MAGI2: variants seen among roughly 807,000 people sequenced by gnomAD.
MAGI2 encodes membrane associated guanylate kinase, WW and PDZ domain containing 2.
MAGI2 carries 35 observed loss-of-function variants against 133.3 expected under a neutral mutation model. The observed-to-expected ratio is 0.26, with a 90% CI of 0.20 to 0.35. The LOEUF (loss-of-function observed/expected upper bound fraction) is 0.35, where lower values mean the gene tolerates loss of function less well. Ranked by LOEUF, MAGI2 falls within the 10% of genes least tolerant of loss-of-function variation. The pLI is 1.00. For synonymous variants in MAGI2, 729 were observed against 710.6 expected (o/e 1.03, Z -0.41); for missense variants, 1,636 against 1,863.4 (o/e 0.88, Z 2.25).
intron 3 of MAGI2, among the ~76,000 whole-genome samples, chr7:78,572,499 T>A (rs1197135483): frequency 6.6e-6 from 1 of 152,028 alleles, no homozygotes; most frequent in Non-Finnish European, 1.5e-5. Flanking sequence ...GAACTTTCCC[T>A]CCCTGACTCT....
At chr7:78,021,054 T>G (rs1808346216) in intron 21 of MAGI2, among the ~76,000 whole-genome samples, 1 of 152,170 alleles carries the variant, frequency 6.6e-6, no homozygotes, top group Admixed American at 6.5e-5. Context: ...GATGACTTTT[T>G]TTTTAAAGCA....
In MAGI2 at chr7:79,418,019, T is replaced by G. The variant is rs148059475; in HGVS notation, c.301+35001A>C. ...ATATTTTTTTCATGTGTACAGGCAT[T>G]AAATATTATAAAATTCACCCAAATT... is the stretch of plus-strand genomic sequence containing the variant. On this transcript the variant is annotated intron_variant, in intron 1 of 21. Coordinates refer to ENST00000354212, the MANE Select transcript of MAGI2 (RefSeq NM_012301.4). Among the ~76,000 whole-genome samples the G allele has an allele frequency of 2.5e-3, 383 of 152,198 alleles. 2 individuals carry two copies. The highest frequency in any genetic ancestry group is 9.0e-3 in the African/African-American group (374 of 41,556).
intron 3 of MAGI2, among the ~76,000 whole-genome samples, chr7:78,565,841 T>C (rs147168613): frequency 1.3e-5 from 2 of 152,290 alleles, no homozygotes; most frequent in African/African-American, 4.8e-5. Flanking sequence ...TGCAGTCAAA[T>C]AGCATTTAGG....
intron 1 of MAGI2, among the ~76,000 whole-genome samples, chr7:79,329,861 C>A (rs908417281): frequency 2.6e-5 from 4 of 152,148 alleles, no homozygotes; most frequent in African/African-American, 9.7e-5. Flanking sequence ...AAATTGAAAA[C>A]CAAGATAGAA....
At chr7:79,363,679 G>A (rs772415363) in intron 1 of MAGI2, among the ~76,000 whole-genome samples, 7 of 135,322 alleles carry the variant, frequency 5.2e-5, no homozygotes, top group Non-Finnish European at 7.8e-5. Context: ...AAAAGTACTG[G>A]CACAAAACTG....
chr7:78,360,689 C>A (rs1253615180), intron 7 of MAGI2, among the ~76,000 whole-genome samples: 1 of 152,216 alleles, frequency 6.6e-6, no homozygotes. Flanking sequence ...TAGCAATGAG[C>A]TACCTGGGAC....
intron 6 of MAGI2, among the ~76,000 whole-genome samples, chr7:78,389,102 A>G (rs1372124477): frequency 6.6e-6 from 1 of 152,210 alleles, no homozygotes; most frequent in African/African-American, 2.4e-5. Context: ...TTGGAAAATA[A>G]ATAAAAGATG....
At chr7:78,064,505 T>C (rs906332394) in intron 21 of MAGI2, among the ~76,000 whole-genome samples, 1 of 152,188 alleles carries the variant, frequency 6.6e-6, no homozygotes, top group African/African-American at 2.4e-5. Context: ...TCATTAACAA[T>C]TGGAAAATAT....
chr7:78,511,579 G>A (rs1795588825), intron 4 of MAGI2, among the ~76,000 whole-genome samples: 1 of 131,860 alleles, frequency 7.6e-6, no homozygotes, highest in Non-Finnish European at 1.6e-5. Context: ...TTGACACAGT[G>A]AAACATGCAC....
intron 9 of MAGI2, among the ~76,000 whole-genome samples, chr7:78,292,298 CAGAG>C (rs917839955): frequency 2.0e-5 from 3 of 152,116 alleles, no homozygotes; most frequent in Non-Finnish European, 2.9e-5. Flanking sequence ...AACAGACAAA[CAGAG>C]AGTCAAATCA....
At chr7:78,446,027 G>A (rs1262836886) in intron 6 of MAGI2, among the ~76,000 whole-genome samples, 1 of 93,888 alleles carries the variant, frequency 1.1e-5, no homozygotes, top group Non-Finnish European at 2.5e-5. Context: ...AGCTCTGCCA[G>A]TTTCTATTTT....
At position 78,299,941 on chromosome 7, in the gene MAGI2, C is replaced by T. The variant is rs144352805; in HGVS notation, c.1409-43360G>A. On this transcript the variant is annotated intron_variant, in intron 9 of 21. Transcript: ENST00000354212. ...GCATTTCAGCATACTAATCACAAAA[C>T]GAGTAAAATTTTTCTTTTTCATCAT... is the stretch of plus-strand genomic sequence containing the variant. Among the ~76,000 whole-genome samples, 1,210 of 152,160 alleles carry T rather than the reference C, an allele frequency of 8.0e-3. 24 individuals are homozygous for T. Among genetic ancestry groups the T allele is most frequent in the African/African-American group, 0.025 (1,051 of 41,508 alleles).
intron 1 of MAGI2, among the ~76,000 whole-genome samples, chr7:79,235,701 C>T (rs1167926909): frequency 6.6e-6 from 1 of 152,196 alleles, no homozygotes; most frequent in African/African-American, 2.4e-5. Flanking sequence ...TCTGGCACTC[C>T]CTAGTGAGAT....
chr7:78,333,258 T>C lies in MAGI2; in HGVS notation c.1408+10520A>G, dbSNP rs149473734. On this transcript the variant is annotated intron_variant, in intron 9 of 21. Coordinates refer to ENST00000354212, the MANE Select transcript of MAGI2 (RefSeq NM_012301.4). ...CTACAGAGAACTGAAAGGGAAAACA[T>C]TATCAATGCTCTGTACCAGAAAGAT... Among the ~76,000 whole-genome samples the C allele has an allele frequency of 2.3e-3, 344 of 152,310 alleles. 6 individuals are homozygous for C. Among genetic ancestry groups the C allele is most frequent in the Admixed American group, 0.02 (310 of 15,286 alleles).
intron 1 of MAGI2, among the ~76,000 whole-genome samples, chr7:79,174,447 G>C (rs2129549351): frequency 6.6e-6 from 1 of 152,032 alleles, no homozygotes; most frequent in East Asian, 1.9e-4. Flanking sequence ...GGTTCGGAAG[G>C]TAATCAAAAG....
chr7:78,437,019 T>A (rs560998780), intron 6 of MAGI2, among the ~76,000 whole-genome samples: 5 of 152,134 alleles, frequency 3.3e-5, no homozygotes, highest in South Asian at 2.1e-4. Context: ...AGAGTCAGAG[T>A]GATGACACAG....
intron 1 of MAGI2, among the ~76,000 whole-genome samples, chr7:79,300,772 C>T (rs371246738): frequency 6.6e-6 from 1 of 152,178 alleles, no homozygotes; most frequent in East Asian, 1.9e-4. Flanking sequence ...ATTTCAGAGA[C>T]CTTTGTGGCA....
At chr7:79,339,169 AG>A (rs1435512316) in intron 1 of MAGI2, among the ~76,000 whole-genome samples, 1 of 152,150 alleles carries the variant, frequency 6.6e-6, no homozygotes, top group Non-Finnish European at 1.5e-5. Context: ...CTCTATTTAA[AG>A]GGCTATGCAA....
chr7:78,414,954 T>A (rs1798169078), intron 6 of MAGI2, among the ~76,000 whole-genome samples: 1 of 152,114 alleles, frequency 6.6e-6, no homozygotes. Context: ...AGTGATTCTA[T>A]TATCTAAAAA....
Sources: allele counts gnomAD v4.1 joint callset (sites outside exome capture counted in the v4.1 genomes callset), GRCh38; gene constraint gnomAD v4.1.1; transcripts MANE v1.5; gene names NCBI Gene and HGNC (gene_info 2026-07-23, HGNC 2026-07-21).